Variants in ZMYM4 observed in about 807,000 individuals in gnomAD.
ZMYM4 encodes zinc finger MYM-type protein 4.
ZMYM4 carries 31 observed loss-of-function variants against 183.2 expected under a neutral mutation model. The ratio of observed to expected loss-of-function variants is 0.17; its 90% CI spans 0.13 to 0.23. The LOEUF is 0.23. Ranked by LOEUF, ZMYM4 falls within the 10% of genes least tolerant of loss-of-function variation. The pLI is 1.00. For missense variants in ZMYM4, 1,273 were observed against 1,840.3 expected (o/e 0.69, Z 5.64); for synonymous variants, 592 against 631.2 (o/e 0.94, Z 0.93).
At chr1:35,352,259 ACGCGCGCG>A (rs376025575) in intron 2 of ZMYM4, among the ~76,000 whole-genome samples, 1 of 77,594 alleles carries the variant, frequency 1.3e-5, no homozygotes, top group African/African-American at 7.0e-5. Flanking sequence ...ATTAGCGCGC[ACGCGCGCG>A]CGCACACACA....
intron 2 of ZMYM4, among the ~76,000 whole-genome samples, chr1:35,339,384 G>A (rs1294683538): frequency 6.6e-6 from 1 of 152,062 alleles, no homozygotes. Context: ...ATAGGCACCT[G>A]CCACCACACC....
rs993114625 is a variant in ZMYM4, at chr1:35,398,957, C to T, written c.3347C>T (p.Ser1116Leu). 1.5e-5 allele frequency: 25 copies of T among 1,614,092 alleles called. No homozygotes were observed. The highest frequency in any genetic ancestry group is 2.1e-5 in the Non-Finnish European group (25 of 1,179,994). The change falls in exon 22 of 30, where the codon TCA (serine) becomes TTA (leucine). Residue 1116 changes from serine (S) to leucine (L), a missense_variant. Coordinates refer to ENST00000314607, the MANE Select transcript of ZMYM4 (RefSeq NM_005095.3). ...EEELNHYALK[S>L]NAVQEADSEL... ...GAGCTGAATCACTATGCCTTAAAGT[C>T]AAATGCTGTGCAAGAGGCTGATTCA...
chr1:35,270,909 C>T (rs1639565708), intron 1 of ZMYM4, among the ~76,000 whole-genome samples: 2 of 151,956 alleles, frequency 1.3e-5, no homozygotes, highest in Admixed American at 1.3e-4. Flanking sequence ...AAATTTTTAC[C>T]ATTGATAAGT....
intron 2 of ZMYM4, among the ~76,000 whole-genome samples, chr1:35,357,874 AAAAGT>A (rs1643868451): frequency 6.6e-6 from 1 of 152,188 alleles, no homozygotes; most frequent in Non-Finnish European, 1.5e-5. Context: ...GTCTGAGTGT[AAAAGT>A]AAAGAGAACA....
At chr1:35,413,198 A>C (rs770491637) in intron 26 of ZMYM4, among the ~76,000 whole-genome samples, 2 of 151,016 alleles carry the variant, frequency 1.3e-5, no homozygotes, top group Non-Finnish European at 2.9e-5. Context: ...ATGCACCACC[A>C]CCCCTGGCTA....
intron 2 of ZMYM4, among the ~76,000 whole-genome samples, chr1:35,330,736 C>T (rs1302291618): frequency 6.6e-6 from 1 of 152,106 alleles, no homozygotes; most frequent in Non-Finnish European, 1.5e-5. Context: ...CAAACTAAGG[C>T]TTAGAGACAT....
chr1:35,325,897 C>CT (rs1642482136), intron 2 of ZMYM4, among the ~76,000 whole-genome samples: 2 of 152,142 alleles, frequency 1.3e-5, no homozygotes, highest in African/African-American at 4.8e-5. Flanking sequence ...TCTTTCCAGA[C>CT]TTTTTTCTAT....
Position 35,421,316 on chromosome 1 carries a change from C to A in ZMYM4, c.*1639C>A, listed in dbSNP as rs1257423676. The stretch of plus-strand genomic sequence containing the variant: ...GAACTGTATGAAAGAAGTAAATCCA[C>A]CCCGATTCTGTATGATTAATTCCAT... On this transcript the variant is annotated 3_prime_UTR_variant, in exon 30 of 30. Transcript: ENST00000314607. The A allele has an allele frequency of 6.6e-6, 1 of 152,608 alleles. No homozygotes were observed. Among genetic ancestry groups the A allele is most frequent in the Non-Finnish European group, 1.5e-5 (1 of 68,040 alleles). 9.5% of individuals were successfully genotyped at this position (152,608 alleles called of 1,614,324 possible). A position where few individuals can be genotyped will look rare whatever the true frequency, so the allele number is the denominator to read the frequency against.
At position 35,370,055 on chromosome 1, in the gene ZMYM4, A is replaced by C; in HGVS notation, c.867A>C (p.Lys289Asn). ...AGTATAGTCATGGCCAACAGCAAAA[A>C]ACTCAAGAGGGGGAACTGAAAATTA... ...AQEYSHGQQQ[K>N]TQEGELKISA... Residue 289 changes from lysine to asparagine, a missense_variant, in exon 6 of 30, where the codon AAA becomes AAC. By Grantham distance (94) the Lys-to-Asn change is moderately conservative. Coordinates refer to ENST00000314607, the MANE Select transcript of ZMYM4 (RefSeq NM_005095.3). 6.2e-7 allele frequency: 1 copy of C among 1,613,278 alleles called. No homozygotes were observed. Among genetic ancestry groups the C allele is most frequent in the East Asian group, 2.2e-5 (1 of 44,814 alleles).
At chr1:35,303,522 C>T (rs1641387579) in intron 1 of ZMYM4, among the ~76,000 whole-genome samples, 1 of 152,138 alleles carries the variant, frequency 6.6e-6, no homozygotes, top group South Asian at 2.1e-4. Flanking sequence ...TCTCCTGCCT[C>T]ACCCTCCCAA....
At chr1:35,338,361 T>C (rs1182758814) in intron 2 of ZMYM4, among the ~76,000 whole-genome samples, 5 of 152,226 alleles carry the variant, frequency 3.3e-5, no homozygotes, top group East Asian at 3.8e-4. Flanking sequence ...GTTGGCCCTC[T>C]GTATCAGTGG....
At chr1:35,345,951 CTT>C (rs374469909) in intron 2 of ZMYM4, among the ~76,000 whole-genome samples, 104 of 152,304 alleles carry the variant, frequency 6.8e-4, no homozygotes, top group African/African-American at 2.3e-3. Context: ...AAATTTCTCT[CTT>C]CTTTCAGCCT....
intron 2 of ZMYM4, among the ~76,000 whole-genome samples, chr1:35,337,677 G>T (rs964648344): frequency 2.0e-5 from 3 of 152,050 alleles, no homozygotes; most frequent in Non-Finnish European, 2.9e-5. Flanking sequence ...GGGTGTGGTG[G>T]CTCACACCTG....
chr1:35,381,450 C>T lies in ZMYM4; in HGVS notation c.1356+17C>T. The T allele has an allele frequency of 6.2e-7, 1 of 1,603,982 alleles. No homozygotes were observed. Among genetic ancestry groups the T allele is most frequent in the Non-Finnish European group, 8.5e-7 (1 of 1,172,676 alleles). On this transcript the variant is annotated intron_variant, in intron 8 of 29. Coordinates refer to ENST00000314607, the MANE Select transcript of ZMYM4 (RefSeq NM_005095.3). ...AATGCTGTTGTAAGTTACCATTTTCCTTTATTGGGGCAGGAGTCTAATACG... is the reference window on the plus strand; with the variant it reads ...AATGCTGTTGTAAGTTACCATTTTCTTTTATTGGGGCAGGAGTCTAATACG...
At chr1:35,377,834 T>G in intron 7 of ZMYM4, among the ~76,000 whole-genome samples, 1 of 152,190 alleles carries the variant, frequency 6.6e-6, no homozygotes, top group East Asian at 1.9e-4. Context: ...AAGATAACAA[T>G]GAAGTTTGTC....
At chr1:35,321,671 A>C (rs1570348541) in intron 1 of ZMYM4, among the ~76,000 whole-genome samples, 1 of 152,078 alleles carries the variant, frequency 6.6e-6, no homozygotes, top group South Asian at 2.1e-4. Flanking sequence ...AGGTGTTAAC[A>C]GTACCTACCT....
At position 35,389,000 on chromosome 1, in the gene ZMYM4, T is replaced by C; in HGVS notation, c.2354T>C (p.Leu785Ser). The C allele has an allele frequency of 6.2e-7, 1 of 1,614,120 alleles. No individual in the cohort carries two copies. The highest frequency in any genetic ancestry group is 8.5e-7 in the Non-Finnish European group (1 of 1,180,008). ...CSYCLQTSPK[L>S]VQNNLGGKVE... ...TATTGTTTACAGACATCTCCCAAAT[T>C]GGTACAGAATAATTTAGGAGGGAAA... The change falls in exon 14 of 30, where the codon TTG (leucine) becomes TCG (serine). Residue 785 changes from leucine (L) to serine (S), a missense_variant. Leu to Ser is a moderately radical substitution (Grantham distance 145, BLOSUM62 -2). Transcript: ENST00000314607.
At position 35,370,594 on chromosome 1, in the gene ZMYM4, C is replaced by T; in HGVS notation, c.1148C>T (p.Pro383Leu). The change falls in exon 7 of 30, where the codon CCT (proline) becomes CTT (leucine). Residue 383 changes from proline (P) to leucine (L), a missense_variant. Coordinates refer to ENST00000314607, the MANE Select transcript of ZMYM4 (RefSeq NM_005095.3). The stretch of plus-strand genomic sequence containing the variant: ...GTTCCACCTGCCCGCCCACCGCCTC[C>T]TCTCACCAAGAAAACTTGTTCAAGT... ...YTVPPARPPP[P>L]LTKKTCSSCS... 2 of 1,610,948 alleles carry T rather than the reference C, an allele frequency of 1.2e-6. No individual in the cohort carries two copies. The highest frequency in any genetic ancestry group is 1.7e-6 in the Non-Finnish European group (2 of 1,178,146).
chr1:35,352,739 T>G (rs903538871), intron 2 of ZMYM4, among the ~76,000 whole-genome samples: 2 of 152,228 alleles, frequency 1.3e-5, no homozygotes, highest in African/African-American at 4.8e-5. Flanking sequence ...CTCTATTAGC[T>G]GTTCCTTCTT....
Sources: gnomAD v4.1 joint callset for allele counts (sites outside exome capture counted in the v4.1 genomes callset) on GRCh38, gnomAD v4.1.1 for gene constraint, MANE v1.5 for transcripts, NCBI Gene and HGNC (gene_info 2026-07-23, HGNC 2026-07-21) for gene names.